RANBP3L: variants seen among roughly 807,000 people sequenced by gnomAD.
RANBP3L encodes ran-binding protein 3-like.
A neutral mutation model predicts 67.2 loss-of-function variants in RANBP3L; 56 were observed. The observed-to-expected ratio is 0.83, with a 90% CI of 0.67 to 1.04. The LOEUF (loss-of-function observed/expected upper bound fraction) is 1.04. Ranked by LOEUF, RANBP3L falls within the 50% of genes least tolerant of loss-of-function variation. The probability of loss-of-function intolerance (pLI) is 0.00; values close to 1 mark genes in which losing one functional copy is unlikely to be tolerated. For synonymous variants in RANBP3L, 164 were observed against 181.4 expected (o/e 0.90, Z 0.77); for missense variants, 496 against 535.5 (o/e 0.93, Z 0.73).
intron 1 of RANBP3L, among the ~76,000 whole-genome samples, chr5:36,273,295 A>G (rs923507030): frequency 1.3e-5 from 2 of 152,216 alleles, no homozygotes; most frequent in Non-Finnish European, 2.9e-5. Context: ...CTATCCAAGC[A>G]TATAACTAAA....
At chr5:36,296,524 A>G (rs1752228271) in intron 1 of RANBP3L, among the ~76,000 whole-genome samples, 1 of 152,218 alleles carries the variant, frequency 6.6e-6, no homozygotes, top group African/African-American at 2.4e-5. Flanking sequence ...TAGAAATCAT[A>G]GATTTTACGA....
intron 1 of RANBP3L, among the ~76,000 whole-genome samples, chr5:36,282,934 A>G (rs549693162): frequency 6.6e-6 from 1 of 152,306 alleles, no homozygotes; most frequent in East Asian, 1.9e-4. Flanking sequence ...ACCATATCAG[A>G]ACTAGTTTGG....
chr5:36,278,444 G>A (rs1249903856), intron 1 of RANBP3L, among the ~76,000 whole-genome samples: 6 of 151,968 alleles, frequency 3.9e-5, no homozygotes, highest in Admixed American at 2.6e-4. Flanking sequence ...TAAGGTTCCC[G>A]GGTGATTTGT....
chr5:36,270,982 A>G (rs1233946787), intron 2 of RANBP3L, among the ~76,000 whole-genome samples: 1 of 152,164 alleles, frequency 6.6e-6, no homozygotes, highest in African/African-American at 2.4e-5. Context: ...AATCTCTTTC[A>G]GCTCCTCCCC....
In RANBP3L at chr5:36,256,955, G is replaced by A. The variant is rs748263110; in HGVS notation, c.889C>T (p.His297Tyr). Residue 297 changes from histidine to tyrosine, a missense_variant, in exon 10 of 14, where the codon CAT becomes TAT. Physicochemically the swap from His to Tyr is moderately conservative, Grantham distance 83. Transcript: ENST00000296604. ...IDVITGEETE[H>Y]NVLKINCKLF... Reference sequence around the variant, plus strand: ...GATATACAGACCTTTAACACATTATGTTCTGTTTCCTCCCCTGTTATAACA... The same window carrying A: ...GATATACAGACCTTTAACACATTATATTCTGTTTCCTCCCCTGTTATAACA... 1.1e-5 allele frequency: 18 copies of A among 1,612,782 alleles called. 1 individual carries two copies. In the South Asian group the frequency reaches 2.0e-4, roughly 18 times the overall value.
At chr5:36,298,573 C>T (rs183464881) in intron 1 of RANBP3L, among the ~76,000 whole-genome samples, 16 of 152,234 alleles carry the variant, frequency 1.1e-4, no homozygotes, top group African/African-American at 3.9e-4. Flanking sequence ...AAAAGCAGGG[C>T]CACTGCTCTG....
At chr5:36,266,650 C>T (rs59504199) in intron 4 of RANBP3L, among the ~76,000 whole-genome samples, 4,617 of 152,194 alleles carry the variant, frequency 0.03, 154 homozygotes, top group African/African-American at 0.081. Flanking sequence ...TGAATTAAAG[C>T]ACGTGCATAG....
rs1579718826 is a variant in RANBP3L at position 36,269,385 on chromosome 5, C to T, written c.268+5G>A. Reference sequence around the variant, plus strand: ...TGAATAGTCAACAGTCAAGGCTATACATACCTCCCTGGGACTGAGAATCTG... The same window carrying T: ...TGAATAGTCAACAGTCAAGGCTATATATACCTCCCTGGGACTGAGAATCTG... On this transcript the variant is annotated splice_donor_5th_base_variant and intron_variant, in intron 4 of 13. Coordinates refer to ENST00000296604, the MANE Select transcript of RANBP3L (RefSeq NM_145000.5). 1 of 1,511,170 alleles carries T rather than the reference C, an allele frequency of 6.6e-7. No individual in the cohort carries two copies. The highest frequency in any genetic ancestry group is 9.2e-7 in the Non-Finnish European group (1 of 1,086,304). The allele number at this position is 1,511,170 out of a possible 1,614,324, so 93.6% of individuals were successfully genotyped here.
chr5:36,270,579 C>T (rs962105919), intron 2 of RANBP3L, among the ~76,000 whole-genome samples: 3 of 152,198 alleles, frequency 2.0e-5, no homozygotes, highest in African/African-American at 7.2e-5. Flanking sequence ...CAACCTCTAA[C>T]ACCTAGGCTC....
intron 1 of RANBP3L, among the ~76,000 whole-genome samples, chr5:36,293,953 T>C (rs1561144968): frequency 1.3e-5 from 2 of 151,774 alleles, no homozygotes; most frequent in Admixed American, 6.6e-5. Flanking sequence ...TTTCTATTGA[T>C]TGGAATAGTT....
At chr5:36,284,839 A>T (rs1362164248) in intron 1 of RANBP3L, among the ~76,000 whole-genome samples, 2 of 152,180 alleles carry the variant, frequency 1.3e-5, no homozygotes, top group African/African-American at 4.8e-5. Context: ...AGACAGTTGG[A>T]TGTAGTTGGT....
intron 4 of RANBP3L, among the ~76,000 whole-genome samples, chr5:36,266,632 G>A (rs1300439238): frequency 6.6e-6 from 1 of 152,134 alleles, no homozygotes; most frequent in African/African-American, 2.4e-5. Flanking sequence ...TGAGTGTCCA[G>A]TAAAAAATGA....
At chr5:36,297,971 A>T (rs189806811) in intron 1 of RANBP3L, among the ~76,000 whole-genome samples, 1 of 152,248 alleles carries the variant, frequency 6.6e-6, no homozygotes, top group Non-Finnish European at 1.5e-5. Flanking sequence ...GAAGGACACG[A>T]AGCATTTTAG....
intron 1 of RANBP3L, among the ~76,000 whole-genome samples, chr5:36,293,729 C>A (rs997404334): frequency 6.7e-6 from 1 of 148,940 alleles, no homozygotes; most frequent in African/African-American, 2.5e-5. Context: ...ATTGAACCAG[C>A]CTTGCATCCC....
At chr5:36,258,289 G>A (rs1475800178) in intron 8 of RANBP3L, among the ~76,000 whole-genome samples, 1 of 152,142 alleles carries the variant, frequency 6.6e-6, no homozygotes, top group Non-Finnish European at 1.5e-5. Context: ...GCAAAACACA[G>A]AGAACTGGAA....
chr5:36,252,590 G>GTATA (rs1721759775), intron 12 of RANBP3L, among the ~76,000 whole-genome samples: 2 of 152,054 alleles, frequency 1.3e-5, no homozygotes, highest in Admixed American at 1.3e-4. Flanking sequence ...ATGTATGTAT[G>GTATA]TATATTCTTA....
chr5:36,265,977 CAAAAAAAAA>C (rs10717173), intron 4 of RANBP3L, among the ~76,000 whole-genome samples: 27 of 76,084 alleles, frequency 3.5e-4, no homozygotes, highest in African/African-American at 1.3e-3. Context: ...GACTCCATTT[CAAAAAAAAA>C]AAAAAAAAAA....
At chr5:36,265,608 C>T (rs10473005) in intron 4 of RANBP3L, 88 bp from the exon 5 acceptor site, 20,441 of 714,730 alleles carry the variant, frequency 0.029, 1,347 homozygotes, top group South Asian at 0.2. Context: ...ATTCCGAACT[C>T]ACCAGCAGAT....
rs201701912 is a variant in RANBP3L, at chr5:36,271,272, T to A, written c.131A>T (p.Lys44Met). The A allele has an allele frequency of 1.3e-6, 2 of 1,582,912 alleles. No homozygotes were observed. Among genetic ancestry groups the A allele is most frequent in the African/African-American group, 2.7e-5 (2 of 74,248 alleles). ...TCTTACCTTAAAAGTTTGTTCTCCCTTTTCAAAAACAAATATGGGTTGAGC... is the reference window on the plus strand; with the variant it reads ...TCTTACCTTAAAAGTTTGTTCTCCCATTTCAAAAACAAATATGGGTTGAGC... ...VIAQPIFVFE[K>M]GEQTFKRPAE... The change falls in exon 2 of 14, where the codon AAG becomes ATG. Residue 44 changes from lysine to methionine, a missense_variant. By Grantham distance (95) the Lys-to-Met change is moderately conservative (BLOSUM62 -1). Transcript: ENST00000296604.
Sources: allele counts gnomAD v4.1 joint callset (sites outside exome capture counted in the v4.1 genomes callset), GRCh38; gene constraint gnomAD v4.1.1; transcripts MANE v1.5; gene names NCBI Gene and HGNC (gene_info 2026-07-23, HGNC 2026-07-21).